Variants in PNISR observed in about 807,000 individuals in gnomAD.
PNISR encodes the protein PNN interacting serine and arginine rich protein.
In PNISR, 20 loss-of-function variants were observed where a neutral mutation model predicts 93.4. That is an observed-to-expected ratio of 0.21 (90% confidence interval 0.15 to 0.31). The LOEUF is 0.31. Among genes scored for constraint, PNISR ranks in the 10% least tolerant of loss-of-function variants. PNISR has a pLI of 1.00. For missense variants in PNISR, 893 were observed against 985.4 expected (o/e 0.91, Z 1.25); for synonymous variants, 305 against 306.5 (o/e 0.99, Z 0.05).
intron 6 of PNISR, among the ~76,000 whole-genome samples, chr6:99,408,540 T>G (rs572012505): frequency 6.6e-6 from 1 of 152,216 alleles, no homozygotes; most frequent in African/African-American, 2.4e-5. Flanking sequence ...AAACTGAGAC[T>G]CGAAAAAATT....
Position 99,412,539 on chromosome 6 carries a change from TA to T in PNISR, c.277+11del. The T allele has an allele frequency of 6.4e-7, 1 of 1,553,760 alleles. No individual in the cohort carries two copies. Among genetic ancestry groups the T allele is most frequent in the Non-Finnish European group, 8.7e-7 (1 of 1,148,796 alleles). The stretch of plus-strand genomic sequence containing the variant: ...TAAAAGTCTTAAAATTGTGAAAACA[TA>T]AACAACAAACCTGGTTGCCACATTC... On this transcript the variant is annotated intron_variant, in intron 4 of 11. Transcript: ENST00000369239.
Position 99,400,531 on chromosome 6 carries a change from A to AATT in PNISR, c.*8_*9insAAT, listed in dbSNP as rs776074223. 3.2e-6 allele frequency: 5 copies of AATT among 1,586,996 alleles called. No homozygotes were observed. Among genetic ancestry groups the AATT allele is most frequent in the Non-Finnish European group, 8.5e-7 (1 of 1,172,138 alleles). On this transcript the variant is annotated 3_prime_UTR_variant, in exon 12 of 12. Transcript: ENST00000369239. ...TTTAAAAATCAGACAAAATACTTTA[A>AATT]AAAGTATACTACCTTGATCGGGACT...
intron 6 of PNISR, 28 bp downstream of exon 6, chr6:99,409,145 G>C: frequency 6.3e-7 from 1 of 1,575,742 alleles, no homozygotes; most frequent in Non-Finnish European, 8.7e-7. Context: ...TGCCAATTGT[G>C]GTCCACTAAA....
rs375882711 is a variant in PNISR, at chr6:99,409,321, C to T, written c.525G>A (p.Pro175=). Residue 175 remains proline, a synonymous_variant, in exon 6 of 12, where the codon CCG becomes CCA. Coordinates refer to ENST00000369239, the MANE Select transcript of PNISR (RefSeq NM_032870.4). ...DYQHGAAFGP[P]QGGFHPPYWQ... Reference sequence around the variant, plus strand: ...AATAAGGAGGATGAAATCCACCTTGCGGTGGACCAAAAGCAGCCCCATGCT... The same window carrying T: ...AATAAGGAGGATGAAATCCACCTTGTGGTGGACCAAAAGCAGCCCCATGCT... The T allele has an allele frequency of 3.2e-4, 512 of 1,613,488 alleles. No individual in the cohort carries two copies. The highest frequency in any genetic ancestry group is 4.2e-4 in the South Asian group (38 of 91,076).
chr6:99,403,928 C>T (rs1160324136), intron 9 of PNISR, 46 bp from the exon 10 acceptor site: 15 of 1,418,230 alleles, frequency 1.1e-5, no homozygotes, highest in Admixed American at 1.7e-5. Flanking sequence ...ACACAAATAG[C>T]CACGATTTCA....
At position 99,401,371 on chromosome 6, in the gene PNISR, A is replaced by G. The variant is rs750897644; in HGVS notation, c.1587T>C (p.Ser529=). Residue 529 remains serine, a synonymous_variant, in exon 12 of 12, where the codon AGT becomes AGC. Transcript: ENST00000369239. ...AACTGTATGAAGAGCTAGAGACAGT[A>G]CTACTAGTACTACTAGTTCTGCTAT... The part of the protein sequence containing the change: ...SSNSRTSSTS[S]TVSSSSYSSS... 6.2e-7 allele frequency: 1 copy of G among 1,610,784 alleles called. No homozygotes were observed. Among genetic ancestry groups the G allele is most frequent in the African/African-American group, 1.3e-5 (1 of 74,986 alleles).
intron 1 of PNISR, among the ~76,000 whole-genome samples, chr6:99,421,628 C>T (rs1778566741): frequency 6.6e-6 from 1 of 152,116 alleles, no homozygotes; most frequent in Admixed American, 6.5e-5. Context: ...ACAAGAATCC[C>T]CTACAAAGCC....
Position 99,425,278 on chromosome 6 carries a change from T to A in PNISR, c.-175A>T. 8.1e-7 allele frequency: 1 copy of A among 1,232,186 alleles called. No individual in the cohort carries two copies. Among genetic ancestry groups the A allele is most frequent in the African/African-American group, 1.5e-5 (1 of 64,558 alleles). The allele number at this position is 1,232,186 out of a possible 1,614,324, so 76.3% of individuals were successfully genotyped here. A position where few individuals can be genotyped will look rare whatever the true frequency, so the allele number is the denominator to read the frequency against. ...GGTAACACCTCTCCAACGCTTTCGA[T>A]GCTTCTACTTCTTCGGGAACAAGAC... On this transcript the variant is annotated 5_prime_UTR_variant, in exon 1 of 12. Transcript: ENST00000369239.
chr6:99,400,255 T>C lies in PNISR; in HGVS notation c.*285A>G. On this transcript the variant is annotated 3_prime_UTR_variant, in exon 12 of 12. Transcript: ENST00000369239. ...ACTCATGGAATTTTTTTAAAGAACA[T>C]CATGGCATTCTTGCCACATCATTCC... is the stretch of plus-strand genomic sequence containing the variant. 1.2e-6 allele frequency: 1 copy of C among 802,206 alleles called. No homozygotes were observed. The highest frequency in any genetic ancestry group is 5.5e-5 in the South Asian group (1 of 18,332). The allele number at this position is 802,206 out of a possible 1,614,324, so 49.7% of individuals were successfully genotyped here.
At chr6:99,402,854 C>T (rs9389328) in intron 10 of PNISR, 144 bp from the exon 11 acceptor site, 290,205 of 531,314 alleles carry the variant, frequency 0.55, 76,645 homozygotes, top group East Asian at 0.75. Flanking sequence ...GAGAAGTATA[C>T]ATTCAAACGC....
At chr6:99,408,295 CG>C in intron 6 of PNISR, 24 bp from the exon 7 acceptor site, 1 of 1,517,320 alleles carries the variant, frequency 6.6e-7, no homozygotes, top group East Asian at 2.3e-5. Flanking sequence ...GAAAAATATA[CG>C]CAAGTCAGTT....
chr6:99,425,288 T>G lies in PNISR; in HGVS notation c.-185A>C. On this transcript the variant is annotated 5_prime_UTR_variant, in exon 1 of 12. Coordinates refer to ENST00000369239, the MANE Select transcript of PNISR (RefSeq NM_032870.4). ...CTCCAACGCTTTCGATGCTTCTACT[T>G]CTTCGGGAACAAGACAAGATGGCGC... The G allele has an allele frequency of 2.4e-6, 3 of 1,232,104 alleles. No individual in the cohort carries two copies. Among genetic ancestry groups the G allele is most frequent in the Non-Finnish European group, 3.0e-6 (3 of 987,926 alleles). The allele number at this position is 1,232,104 out of a possible 1,614,324, so 76.3% of individuals were successfully genotyped here.
rs768399829 is a variant in PNISR, at chr6:99,399,737, A to C, written c.*803T>G. ...TTTAGAAAGTTGTCAAATACTTCCA[A>C]ATGAAAAGTAAAGGTCTATTTCTAG... On this transcript the variant is annotated 3_prime_UTR_variant, in exon 12 of 12. Coordinates refer to ENST00000369239, the MANE Select transcript of PNISR (RefSeq NM_032870.4). 1 of 152,218 alleles carries C rather than the reference A, an allele frequency of 6.6e-6. No homozygotes were observed. Among genetic ancestry groups the C allele is most frequent in the Non-Finnish European group, 1.5e-5 (1 of 68,024 alleles). The allele number at this position is 152,218 out of a possible 1,614,324, so 9.4% of individuals were successfully genotyped here.
intron 1 of PNISR, among the ~76,000 whole-genome samples, chr6:99,417,632 G>A (rs1482006469): frequency 6.6e-6 from 1 of 152,000 alleles, no homozygotes; most frequent in African/African-American, 2.4e-5. Flanking sequence ...ATCACTTTTG[G>A]TAGCACTCTT....
Position 99,400,159 on chromosome 6 carries a change from TAAA to T in PNISR, c.*378_*380del. On this transcript the variant is annotated 3_prime_UTR_variant, in exon 12 of 12. Transcript: ENST00000369239. ...GGAAAAAGTACACCTATTTACAGATTAAAAAAAAAAAAGATTCTGGTTTCACCT... is the reference window on the plus strand; with the variant it reads ...GGAAAAAGTACACCTATTTACAGATTAAAAAAAAAGATTCTGGTTTCACCT... 6.1e-6 allele frequency: 1 copy of T among 165,118 alleles called. No individual in the cohort carries two copies. The highest frequency in any genetic ancestry group is 1.2e-5 in the Non-Finnish European group (1 of 82,586). The allele number at this position is 165,118 out of a possible 1,614,324, so 10.2% of individuals were successfully genotyped here.
chr6:99,408,257 T>C lies in PNISR; in HGVS notation c.688A>G (p.Arg230Gly). Reference sequence around the variant, plus strand: ...TCGCGAATCCAAGCGGGAAGAGTCCTGCGTTTTACTGCGTCTGTTTCACGT... The same window carrying C: ...TCGCGAATCCAAGCGGGAAGAGTCCCGCGTTTTACTGCGTCTGTTTCACGT... Reference protein sequence around the residue: ...EPPQIDAVKRRTLPAWIREGL... With the variant: ...EPPQIDAVKRGTLPAWIREGL... The change falls in exon 7 of 12, where the codon AGG becomes GGG. Residue 230 changes from arginine (R) to glycine (G), a missense_variant. Around this residue, in one of 3 missense-constraint regions of PNISR, gnomAD observed 866 missense variants for 935.1 expected, o/e 0.93. Transcript: ENST00000369239. The C allele has an allele frequency of 1.9e-6, 3 of 1,604,250 alleles. No individual in the cohort carries two copies. Among genetic ancestry groups the C allele is most frequent in the East Asian group, 2.2e-5 (1 of 44,830 alleles).
chr6:99,419,737 T>A (rs533065828), intron 1 of PNISR, among the ~76,000 whole-genome samples: 13 of 152,232 alleles, frequency 8.5e-5, no homozygotes, highest in Non-Finnish European at 1.3e-4. Flanking sequence ...GTATTTTTTC[T>A]AAAAATACAC....
intron 6 of PNISR, among the ~76,000 whole-genome samples, chr6:99,408,527 A>T (rs1310390096): frequency 6.6e-6 from 1 of 152,174 alleles, no homozygotes; most frequent in African/African-American, 2.4e-5. Context: ...TCCACAGGTG[A>T]GGAAACTGAG....
intron 10 of PNISR, chr6:99,403,125 ATAC>A (rs1033152458): frequency 2.0e-5 from 3 of 152,844 alleles, no homozygotes; most frequent in African/African-American, 7.2e-5. Context: ...AAAAATTAGA[ATAC>A]TATAATCTCC....
Sources: gnomAD v4.1 joint callset for allele counts (sites outside exome capture counted in the v4.1 genomes callset) on GRCh38, gnomAD v4.1.1 for gene constraint, gnomAD v4.1.1 regional missense constraint, MANE v1.5 for transcripts, NCBI Gene and HGNC (gene_info 2026-07-23, HGNC 2026-07-21) for gene names.